Variants in ARL13B observed in about 807,000 individuals in gnomAD.
The protein encoded by ARL13B is ADP-ribosylation factor-like protein 13B.
ARL13B carries 36 observed loss-of-function variants against 56.1 expected under a neutral mutation model. The ratio of observed to expected loss-of-function variants is 0.64; its 90% confidence interval spans 0.49 to 0.85. The LOEUF is 0.85. Among genes scored for constraint, ARL13B ranks in the 40% least tolerant of loss-of-function variants. ARL13B has a pLI of 0.00. For missense variants in ARL13B, 519 were observed against 507.1 expected (o/e 1.02, Z -0.23); for synonymous variants, 178 against 171.1 (o/e 1.04, Z -0.32).
chr3:94,004,805 A>G (rs1158437766), intron 3 of ARL13B, among the ~76,000 whole-genome samples: 1 of 152,090 alleles, frequency 6.6e-6, no homozygotes, highest in Non-Finnish European at 1.5e-5. Context: ...AAATTTTTAT[A>G]TATTTAATTA....
At chr3:94,032,718 G>A (rs566667794) in intron 3 of ARL13B, among the ~76,000 whole-genome samples, 7 of 152,090 alleles carry the variant, frequency 4.6e-5, no homozygotes, top group Middle Eastern at 3.4e-3. Flanking sequence ...GGATGGTCTC[G>A]ATCTCCTGAC....
chr3:94,035,234 CT>C lies in ARL13B; in HGVS notation c.381-96del. 6.2e-6 allele frequency: 5 copies of C among 808,132 alleles called. No homozygotes were observed. In the East Asian group the frequency reaches 1.1e-4, roughly 18 times the overall value. 50.1% of individuals were successfully genotyped at this position (808,132 alleles called of 1,614,324 possible). Reference sequence around the variant, plus strand: ...CCTGGGAAACAGAGCAAGACTCAGTCTCAAAAAAAAAAAAAAAAAAGAATGT... The same window carrying C: ...CCTGGGAAACAGAGCAAGACTCAGTCCAAAAAAAAAAAAAAAAAAGAATGT... On this transcript the variant is annotated intron_variant, in intron 3 of 9. Coordinates refer to ENST00000394222, the MANE Select transcript of ARL13B (RefSeq NM_001174150.2).
chr3:94,025,237 A>G (rs1422809074), intron 3 of ARL13B, among the ~76,000 whole-genome samples: 1 of 151,324 alleles, frequency 6.6e-6, no homozygotes, highest in Non-Finnish European at 1.5e-5. Flanking sequence ...ATTAATCTTA[A>G]TGAATTTACA....
chr3:94,024,996 T>G (rs182936826), intron 3 of ARL13B, among the ~76,000 whole-genome samples: 1 of 152,178 alleles, frequency 6.6e-6, no homozygotes, highest in Non-Finnish European at 1.5e-5. Flanking sequence ...TGGAGCACAG[T>G]GTACACAGGC....
chr3:94,038,777 T>A (rs571604072), intron 5 of ARL13B, among the ~76,000 whole-genome samples: 1 of 152,184 alleles, frequency 6.6e-6, no homozygotes, highest in East Asian at 1.9e-4. Flanking sequence ...CGCCTCGGCC[T>A]CCCAAAATGC....
At chr3:94,036,426 G>T in intron 4 of ARL13B, 126 bp from the exon 5 acceptor site, 1 of 917,104 alleles carries the variant, frequency 1.1e-6, no homozygotes, top group Non-Finnish European at 1.7e-6. Context: ...AGTTAAATAA[G>T]CAGATGCTTC....
intron 1 of ARL13B, chr3:93,988,733 G>T: frequency 9.0e-6 from 4 of 444,298 alleles, no homozygotes; most frequent in Non-Finnish European, 1.8e-5. Flanking sequence ...TTAGTTTCTT[G>T]GTTAGCCACT....
At chr3:93,997,450 A>G (rs2075986048) in intron 2 of ARL13B, among the ~76,000 whole-genome samples, 2 of 152,176 alleles carry the variant, frequency 1.3e-5, no homozygotes, top group Non-Finnish European at 2.9e-5. Flanking sequence ...TCTCACCTCA[A>G]ATGCTACTCT....
At chr3:94,045,950 CAAAA>C (rs1199964643) in intron 7 of ARL13B, among the ~76,000 whole-genome samples, 48 of 44,440 alleles carry the variant, frequency 1.1e-3, no homozygotes, top group Admixed American at 1.8e-3. Flanking sequence ...GACTCCATCA[CAAAA>C]AAAAAAAAAA....
At chr3:94,007,212 T>A (rs2076150355) in intron 3 of ARL13B, among the ~76,000 whole-genome samples, 1 of 152,188 alleles carries the variant, frequency 6.6e-6, no homozygotes, top group Non-Finnish European at 1.5e-5. Flanking sequence ...CTTCATTTAA[T>A]AGAAGGAAAT....
At chr3:93,985,894 A>G (rs1490597839) in intron 1 of ARL13B, among the ~76,000 whole-genome samples, 1 of 152,204 alleles carries the variant, frequency 6.6e-6, no homozygotes, top group African/African-American at 2.4e-5. Flanking sequence ...AAGATACAGT[A>G]CACAATGTTT....
intron 4 of ARL13B, 35 bp from the exon 5 acceptor site, chr3:94,036,517 T>A: frequency 3.1e-6 from 5 of 1,602,550 alleles, no homozygotes; most frequent in Non-Finnish European, 4.3e-6. Flanking sequence ...TGTGGAGACC[T>A]TTTAATCTTT....
chr3:94,044,618 G>A (rs181544780), intron 7 of ARL13B, among the ~76,000 whole-genome samples: 2,062 of 138,940 alleles, frequency 0.015, 59 homozygotes, highest in African/African-American at 0.053. Context: ...CCGCCACCCT[G>A]TCTGGGAAGT....
At chr3:94,029,963 A>G (rs1389675875) in intron 3 of ARL13B, among the ~76,000 whole-genome samples, 1 of 152,222 alleles carries the variant, frequency 6.6e-6, no homozygotes, top group African/African-American at 2.4e-5. Context: ...GGAAGGGTAG[A>G]TATAAATATT....
intron 1 of ARL13B, among the ~76,000 whole-genome samples, chr3:93,988,425 C>T (rs1710574816): frequency 6.6e-6 from 1 of 152,212 alleles, no homozygotes; most frequent in Admixed American, 6.5e-5. Flanking sequence ...ATATCCCATA[C>T]TATTCTCTGG....
At chr3:94,003,245 C>T (rs2076082571) in intron 2 of ARL13B, among the ~76,000 whole-genome samples, 1 of 152,126 alleles carries the variant, frequency 6.6e-6, no homozygotes, top group Non-Finnish European at 1.5e-5. Context: ...TTCTTCTAAA[C>T]TCTTCTATTC....
chr3:94,044,570 GCCA>G, intron 7 of ARL13B, among the ~76,000 whole-genome samples: 1 of 142,918 alleles, frequency 7.0e-6, no homozygotes, highest in South Asian at 2.3e-4. Context: ...CTGCCTGGCC[GCCA>G]CCGCATCTGG....
In ARL13B at chr3:94,029,327, TATATA is replaced by T. The variant is rs1559997621; in HGVS notation, c.381-6003_381-5999del. On this transcript the variant is annotated intron_variant, in intron 3 of 9. Transcript: ENST00000394222. ...ATATATATATATATATATATATATA[TATATA>T]TATTTATTTTTTTTTTATTTTTTTT... 4.1e-3 allele frequency among the ~76,000 whole-genome samples: 421 copies of T among 101,934 alleles called. 5 individuals are homozygous for T. Among genetic ancestry groups the T allele is most frequent in the African/African-American group, 0.018 (377 of 21,178 alleles). The allele number at this position is 101,934 out of a possible 152,430, so 66.9% of individuals were successfully genotyped here. A position where few individuals can be genotyped will look rare whatever the true frequency, so the allele number is the denominator to read the frequency against.
intron 6 of ARL13B, among the ~76,000 whole-genome samples, chr3:94,041,140 GT>G (rs2076854931): frequency 6.6e-6 from 1 of 150,578 alleles, no homozygotes; most frequent in South Asian, 2.1e-4. Flanking sequence ...TTTTTAGCAT[GT>G]TTCTTGGTAC....
Sources: gnomAD v4.1 joint callset for allele counts (sites outside exome capture counted in the v4.1 genomes callset) on GRCh38, gnomAD v4.1.1 for gene constraint, MANE v1.5 for transcripts, NCBI Gene and HGNC (gene_info 2026-07-23, HGNC 2026-07-21) for gene names.